SH2B2: variants seen among roughly 807,000 people sequenced by gnomAD.
The protein encoded by SH2B2 is SH2B adaptor protein 2.
A neutral mutation model predicts 35.7 loss-of-function variants in SH2B2; 37 were observed. The ratio of observed to expected loss-of-function variants is 1.04; its 90% CI spans 0.80 to 1.36. The LOEUF (loss-of-function observed/expected upper bound fraction) is 1.36, where lower values mean the gene tolerates loss of function less well. Ranked by LOEUF, SH2B2 falls within the 40% of genes most tolerant of loss-of-function variation. The probability of loss-of-function intolerance (pLI) is 0.00; values close to 1 mark genes in which losing one functional copy is unlikely to be tolerated. For synonymous variants in SH2B2, 383 were observed against 376.4 expected, an observed-to-expected ratio of 1.02 and a Z score of -0.20; for missense variants, 852 against 817.7, an observed-to-expected ratio of 1.04 and a Z score of -0.51.
chr7:102,288,320 G>A (rs1211305757), intron 1 of SH2B2, among the ~76,000 whole-genome samples: 1 of 152,066 alleles, frequency 6.6e-6, no homozygotes, highest in Non-Finnish European at 1.5e-5. Flanking sequence ...GTCTGGTGGT[G>A]GCGGTGGTGG....
intron 8 of SH2B2, among the ~76,000 whole-genome samples, chr7:102,320,983 A>ATGCATGAGCGTGTGCATGCG (rs1278656491): frequency 0.025 from 3,740 of 152,146 alleles, 163 homozygotes; most frequent in African/African-American, 0.086. Context: ...GTGTGCGCAT[A>ATGCATGAGCGTGTGCATGCG]TGCATGAGCG....
Position 102,297,963 on chromosome 7 carries a change from C to A in SH2B2, c.-29-2559C>A, listed in dbSNP as rs1422194916. ...TGGTCAGGGAAGGCTATCCGCCAAG[C>A]CATTGGTTGAGCAGAAACCTGAAGA... On this transcript the variant is annotated intron_variant, in intron 1 of 8. Transcript: ENST00000444095. The surrounding 1 kb of genome is among the most constrained non-coding windows in gnomAD (Gnocchi z 4.3). Among the ~76,000 whole-genome samples the A allele has an allele frequency of 6.6e-6, 1 of 152,078 alleles. No individual in the cohort carries two copies. The highest frequency in any genetic ancestry group is 6.6e-5 in the Admixed American group (1 of 15,264).
intron 7 of SH2B2, among the ~76,000 whole-genome samples, chr7:102,318,315 T>A (rs2133045897): frequency 6.6e-6 from 1 of 152,190 alleles, no homozygotes; most frequent in East Asian, 1.9e-4. Context: ...ATTTTTGTAT[T>A]TTTAGTAGAG....
chr7:102,309,070 C>T lies in SH2B2; in HGVS notation c.923+164C>T, dbSNP rs141447803. ...GCCAGGATCACCCTCCTTTAAAATA[C>T]CCCCTACCTCCAATCGCCAGCAGAC... is the stretch of plus-strand genomic sequence containing the variant. On this transcript the variant is annotated intron_variant, in intron 4 of 8. Coordinates refer to ENST00000444095, the MANE Select transcript of SH2B2 (RefSeq NM_001359228.2). The T allele has an allele frequency of 1.4e-4, 99 of 716,586 alleles. No homozygotes were observed. In the African/African-American group the frequency reaches 1.6e-3, roughly 11 times the overall value. The allele number at this position is 716,586 out of a possible 1,614,324, so 44.4% of individuals were successfully genotyped here. A position where few individuals can be genotyped will look rare whatever the true frequency, so the allele number is the denominator to read the frequency against.
At position 102,301,168 on chromosome 7, in the gene SH2B2, C is replaced by G; in HGVS notation, c.618C>G (p.Asp206Glu). 1 of 1,569,904 alleles carries G rather than the reference C, an allele frequency of 6.4e-7. No individual in the cohort carries two copies. Among genetic ancestry groups the G allele is most frequent in the Non-Finnish European group, 8.6e-7 (1 of 1,161,220 alleles). Residue 206 changes from aspartate to glutamate, a missense_variant, in exon 2 of 9, where the codon GAC becomes GAG. By Grantham distance (45) the Asp-to-Glu change is conservative (BLOSUM62 2). Around this residue, in one of 3 missense-constraint regions of SH2B2, gnomAD observed 556 missense variants for 514.5 expected, o/e 1.08. Transcript: ENST00000444095. Reference sequence around the variant, plus strand: ...GGGCGCTGCGCTTCATGGTGGCCGACGACGCGGCCGCGGGCTCCGGGGGCT... The same window carrying G: ...GGGCGCTGCGCTTCATGGTGGCCGAGGACGCGGCCGCGGGCTCCGGGGGCT... ...REGALRFMVA[D>E]DAAAGSGGSA...
chr7:102,289,019 G>A (rs1792569512), intron 1 of SH2B2, among the ~76,000 whole-genome samples: 2 of 152,296 alleles, frequency 1.3e-5, no homozygotes, highest in South Asian at 4.1e-4. Context: ...CCTGGGGCCT[G>A]GGGAGGTTTC....
At chr7:102,285,230 G>A (rs1792393795), upstream of SH2B2, 1 of 1,551,178 alleles carries the variant, frequency 6.4e-7, no homozygotes, top group African/African-American at 1.4e-5. Context: ...CATCCCAGCA[G>A]TGGAGTTCAG....
chr7:102,302,646 C>G (rs549243884), intron 2 of SH2B2, among the ~76,000 whole-genome samples: 133 of 152,338 alleles, frequency 8.7e-4, no homozygotes, highest in African/African-American at 2.7e-3. Context: ...CTCTGGGTAC[C>G]CCACCCCAGC....
intron 4 of SH2B2, among the ~76,000 whole-genome samples, chr7:102,312,861 G>A (rs1793677087): frequency 6.6e-6 from 1 of 152,060 alleles, no homozygotes; most frequent in African/African-American, 2.4e-5. Context: ...CGGGCGCGGT[G>A]GCTCATGCCT....
chr7:102,291,333 G>A (rs1792663307), intron 1 of SH2B2, among the ~76,000 whole-genome samples: 3 of 152,230 alleles, frequency 2.0e-5, no homozygotes. Context: ...GGTTGTCCTG[G>A]GTGCAGGGCT....
intron 6 of SH2B2, among the ~76,000 whole-genome samples, chr7:102,316,096 A>G (rs575536634): frequency 6.6e-5 from 10 of 151,950 alleles, no homozygotes; most frequent in African/African-American, 2.4e-4. Context: ...TCTGGGCAAC[A>G]AGACTCTGTC....
chr7:102,308,051 G>A (rs62486286), intron 3 of SH2B2, among the ~76,000 whole-genome samples: 1,764 of 152,292 alleles, frequency 0.012, 16 homozygotes, highest in South Asian at 0.034. Flanking sequence ...GATTACAGGC[G>A]TGAGCCACCG....
At chr7:102,305,922 T>C (rs1586586679) in intron 2 of SH2B2, among the ~76,000 whole-genome samples, 1 of 144,636 alleles carries the variant, frequency 6.9e-6, no homozygotes, top group Admixed American at 7.0e-5. Flanking sequence ...TGAGGCATCG[T>C]CTCACTCTGT....
chr7:102,291,283 G>A (rs77923047), intron 1 of SH2B2, among the ~76,000 whole-genome samples: 4,932 of 152,276 alleles, frequency 0.032, 282 homozygotes, highest in African/African-American at 0.11. Context: ...CCACCCTCCC[G>A]TGGCGGTGGC....
chr7:102,300,666 C>A lies in SH2B2; in HGVS notation c.116C>A (p.Ala39Glu). 3 of 1,548,874 alleles carry A rather than the reference C, an allele frequency of 1.9e-6. No homozygotes were observed. Among genetic ancestry groups the A allele is most frequent in the South Asian group, 2.4e-5 (2 of 84,106 alleles). Residue 39 changes from alanine to glutamate, a missense_variant, in exon 2 of 9, where the codon GCG becomes GAG. Physicochemically the swap from Ala to Glu is moderately radical, Grantham distance 107. Coordinates refer to ENST00000444095, the MANE Select transcript of SH2B2 (RefSeq NM_001359228.2). Reference sequence around the variant, plus strand: ...GCGCAGGCGGCCGCCGTGGACTTTGCGCACAAGTTCTGCCGTTTCCTGCGG... The same window carrying A: ...GCGCAGGCGGCCGCCGTGGACTTTGAGCACAAGTTCTGCCGTTTCCTGCGG... ...LHAQAAAVDFAHKFCRFLRDN... is the reference protein window; with the variant it reads ...LHAQAAAVDFEHKFCRFLRDN...
rs1393258911 is a variant in SH2B2, at chr7:102,295,811, G to A, written c.-29-4711G>A. 2.0e-5 allele frequency among the ~76,000 whole-genome samples: 3 copies of A among 152,226 alleles called. No homozygotes were observed. In the East Asian group the frequency reaches 5.8e-4, roughly 29 times the overall value. On this transcript the variant is annotated intron_variant, in intron 1 of 8. Transcript: ENST00000444095. ...GGAAGAAAGGAGGAAGCACGGGGCA[G>A]GGAAAAGGTCAGGCATGAGCAAAGC...
At chr7:102,301,363 TG>T (rs1793184967) in intron 2 of SH2B2, 84 bp downstream of exon 2, 2 of 1,458,168 alleles carry the variant, frequency 1.4e-6, no homozygotes, top group African/African-American at 1.5e-5. Flanking sequence ...GGACTGCCTT[TG>T]GGGACCGCGT....
intron 3 of SH2B2, 59 bp downstream of exon 3, chr7:102,306,881 A>G: frequency 1.5e-6 from 2 of 1,309,846 alleles, no homozygotes; most frequent in South Asian, 2.5e-5. Context: ...CCTTCCCTTT[A>G]GGTGCTACAG....
In SH2B2 at chr7:102,320,428, C is replaced by T. The variant is rs1480117306; in HGVS notation, c.1493C>T (p.Pro498Leu). The T allele has an allele frequency of 6.2e-6, 10 of 1,613,674 alleles. No individual in the cohort carries two copies. In the African/African-American group the frequency reaches 1.2e-4, roughly 19 times the overall value. The change falls in exon 8 of 9, where the codon CCC (proline) becomes CTC (leucine). Residue 498 changes from proline to leucine, a missense_variant. This residue lies in a region of SH2B2 where 556 missense variants were observed against 514.5 expected (regional missense o/e 1.08). Coordinates refer to ENST00000444095, the MANE Select transcript of SH2B2 (RefSeq NM_001359228.2). Reference protein sequence around the residue: ...LDMLRHFHTHPIPLESGGSAD... With the variant: ...LDMLRHFHTHLIPLESGGSAD... The stretch of plus-strand genomic sequence containing the variant: ...ATGCTCCGCCACTTCCACACACACC[C>T]CATCCCACTGGAGTCAGGGGGCTCG...
Sources: allele counts gnomAD v4.1 joint callset (sites outside exome capture counted in the v4.1 genomes callset), GRCh38; gene constraint gnomAD v4.1.1; regional missense constraint gnomAD v4.1.1; non-coding constraint Gnocchi (gnomAD v3.1); transcripts MANE v1.5; gene names NCBI Gene and HGNC (gene_info 2026-07-23, HGNC 2026-07-21).